Variants in ZFHX3 observed in about 807,000 individuals in gnomAD.
The protein encoded by ZFHX3 is zinc finger homeobox protein 3.
In ZFHX3, 42 loss-of-function variants were observed where a neutral mutation model predicts 279.1. The observed-to-expected ratio is 0.15, with a 90% CI of 0.12 to 0.19. The LOEUF is 0.19. Among genes scored for constraint, ZFHX3 ranks in the 10% least tolerant of loss-of-function variants. The pLI is 1.00. For synonymous variants in ZFHX3, 2,293 were observed against 1,957.8 expected (o/e 1.17, Z -4.52); for missense variants, 4,981 against 4,754.0 (o/e 1.05, Z -1.40).
intron 2 of ZFHX3, among the ~76,000 whole-genome samples, chr16:73,636,321 T>C (rs961509701): frequency 1.3e-5 from 2 of 152,176 alleles, no homozygotes; most frequent in African/African-American, 4.8e-5. Context: ...ACTGTAATGA[T>C]GAAACCCTGG....
intron 4 of ZFHX3, among the ~76,000 whole-genome samples, chr16:72,862,777 G>T (rs190863665): frequency 6.6e-6 from 1 of 151,972 alleles, no homozygotes; most frequent in Non-Finnish European, 1.5e-5. Context: ...TCCAAATCCC[G>T]ACTGCAGGGA....
chr16:73,886,136 A>G (rs2030337906), intron 1 of ZFHX3, among the ~76,000 whole-genome samples: 1 of 152,226 alleles, frequency 6.6e-6, no homozygotes, highest in African/African-American at 2.4e-5. Context: ...CCCAGAAAAT[A>G]AAAGACTATT....
chr16:73,093,150 C>T (rs773517519), intron 8 of ZFHX3: 1 of 520,104 alleles, frequency 1.9e-6, no homozygotes, highest in Non-Finnish European at 3.8e-6. Context: ...AGCTGCAAAC[C>T]ACGAGCCCTC....
At chr16:73,003,647 AGTAAG>A (rs1963586658) in intron 1 of ZFHX3, among the ~76,000 whole-genome samples, 1 of 152,118 alleles carries the variant, frequency 6.6e-6, no homozygotes, top group African/African-American at 2.4e-5. Flanking sequence ...CAGGGATTGC[AGTAAG>A]CTGAGACTGC....
chr16:72,787,203 AC>A lies in ZFHX3; in HGVS notation c.11072del (p.Ser3691MetfsTer3). The A allele has an allele frequency of 6.2e-7, 1 of 1,613,800 alleles. No homozygotes were observed. The highest frequency in any genetic ancestry group is 8.5e-7 in the Non-Finnish European group (1 of 1,179,778). On this transcript the variant is annotated frameshift_variant, in exon 10 of 10. Coordinates refer to ENST00000268489, the MANE Select transcript of ZFHX3 (RefSeq NM_006885.4). LOFTEE classifies it high-confidence loss of function. ...TGTCCGTTCCTACACTGGTCAGACC[AC>A]TGTCCTTGGGGCAGCTGGGGTCTTT... ...GPKDPSCPKDSGLTSVGTDTF... is the reference protein window; with the variant it reads ...GPKDPSCPKDXGLTSVGTDTF...
intron 1 of ZFHX3, among the ~76,000 whole-genome samples, chr16:73,038,566 T>C (rs1400360660): frequency 6.6e-6 from 1 of 152,202 alleles, no homozygotes; most frequent in Non-Finnish European, 1.5e-5. Flanking sequence ...CAGAACATCA[T>C]GGTGAAATCG....
At chr16:72,901,185 C>T (rs546643195) in intron 3 of ZFHX3, among the ~76,000 whole-genome samples, 39 of 152,316 alleles carry the variant, frequency 2.6e-4, no homozygotes, top group African/African-American at 7.9e-4. Context: ...AAGCATGAGG[C>T]ATCATTTTTT....
intron 2 of ZFHX3, among the ~76,000 whole-genome samples, chr16:73,537,484 T>C (rs1212018630): frequency 6.6e-6 from 1 of 152,018 alleles, no homozygotes; most frequent in Non-Finnish European, 1.5e-5. Context: ...GCCCGGCTAA[T>C]TGTTTGTATT....
At chr16:73,811,374 A>C (rs1023952794) in intron 1 of ZFHX3, among the ~76,000 whole-genome samples, 1 of 151,742 alleles carries the variant, frequency 6.6e-6, no homozygotes, top group Non-Finnish European at 1.5e-5. Flanking sequence ...AGGGCACATC[A>C]GTGCCATAGT....
At chr16:72,843,196 G>T (rs1371845899) in intron 4 of ZFHX3, among the ~76,000 whole-genome samples, 2 of 152,100 alleles carry the variant, frequency 1.3e-5, no homozygotes, top group Non-Finnish European at 2.9e-5. Context: ...ACCAGGGATT[G>T]GAGCAGGATA....
chr16:73,834,830 G>A (rs918185625), intron 1 of ZFHX3, among the ~76,000 whole-genome samples: 2 of 152,196 alleles, frequency 1.3e-5, no homozygotes, highest in Admixed American at 6.5e-5. Context: ...GGCGGAGGTT[G>A]CAGTGAGCCT....
At chr16:73,276,733 A>G (rs552822459) in intron 4 of ZFHX3, among the ~76,000 whole-genome samples, 29 of 152,318 alleles carry the variant, frequency 1.9e-4, no homozygotes, top group Admixed American at 1.8e-3. Flanking sequence ...TATTTTTTCA[A>G]AAGTAGAAAT....
At chr16:72,903,475 T>C (rs969648858) in intron 3 of ZFHX3, among the ~76,000 whole-genome samples, 2 of 152,138 alleles carry the variant, frequency 1.3e-5, no homozygotes, top group African/African-American at 4.8e-5. Flanking sequence ...AGGGATAACC[T>C]CCTCATATGT....
chr16:73,360,123 T>C (rs892725840), intron 3 of ZFHX3, among the ~76,000 whole-genome samples: 1 of 152,176 alleles, frequency 6.6e-6, no homozygotes, highest in African/African-American at 2.4e-5. Flanking sequence ...GTGCCTCAGG[T>C]TCCTTACAGG....
At chr16:73,265,015 C>CATATATATATATATATATAT (rs59599339) in intron 4 of ZFHX3, among the ~76,000 whole-genome samples, 192 of 142,076 alleles carry the variant, frequency 1.4e-3, no homozygotes, top group African/African-American at 4.7e-3. Context: ...CACCTCAGTG[C>CATATATATATATATATATAT]ATATATATAT....
chr16:72,957,297 C>G, intron 2 of ZFHX3, 130 bp downstream of exon 2: 1 of 1,071,330 alleles, frequency 9.3e-7, no homozygotes, highest in East Asian at 2.4e-5. Flanking sequence ...TTGTAAGACA[C>G]TCCAGTTTAC....
chr16:73,109,358 T>G (rs1966343296), intron 7 of ZFHX3, among the ~76,000 whole-genome samples: 1 of 152,154 alleles, frequency 6.6e-6, no homozygotes, highest in South Asian at 2.1e-4. Context: ...GCGCTTCGTA[T>G]TAATCCAGAA....
chr16:73,739,137 C>A (rs16972428), intron 1 of ZFHX3, among the ~76,000 whole-genome samples: 6,379 of 152,314 alleles, frequency 0.042, 442 homozygotes, highest in African/African-American at 0.15. Context: ...AATGCCTAGA[C>A]AACTAAATCT....
At chr16:73,515,380 T>A (rs1489670104) in intron 2 of ZFHX3, among the ~76,000 whole-genome samples, 1 of 151,664 alleles carries the variant, frequency 6.6e-6, no homozygotes, top group Non-Finnish European at 1.5e-5. Context: ...ATGGTGCCAA[T>A]GTGGTAGGGC....
Sources: allele counts gnomAD v4.1 joint callset (sites outside exome capture counted in the v4.1 genomes callset), GRCh38; gene constraint gnomAD v4.1.1; transcripts MANE v1.5; gene names NCBI Gene and HGNC (gene_info 2026-07-23, HGNC 2026-07-21).